Variants in NCAM2 observed in about 807,000 individuals in gnomAD.
The protein encoded by NCAM2 is neural cell adhesion molecule 2.
Under a neutral mutation model 98.1 loss-of-function variants are expected in NCAM2, and 30 were observed. That is an observed-to-expected ratio of 0.31 (90% CI 0.23 to 0.41). NCAM2 has a LOEUF of 0.41. Ranked by LOEUF, NCAM2 falls within the 10% of genes least tolerant of loss-of-function variation. The probability of loss-of-function intolerance (pLI) is 1.00; values close to 1 mark genes in which losing one functional copy is unlikely to be tolerated. For synonymous variants in NCAM2, 368 were observed against 342.4 expected (o/e 1.07, Z -0.83); for missense variants, 867 against 1,005.8 (o/e 0.86, Z 1.87).
intron 1 of NCAM2, among the ~76,000 whole-genome samples, chr21:21,071,921 A>ATC (rs1284990633): frequency 2.3e-3 from 293 of 127,316 alleles, no homozygotes; most frequent in African/African-American, 8.2e-3. Flanking sequence ...CTATCTATCT[A>ATC]TATTTTTTTG....
chr21:21,137,172 T>C (rs1006376553), intron 1 of NCAM2, among the ~76,000 whole-genome samples: 1 of 152,136 alleles, frequency 6.6e-6, no homozygotes, highest in Admixed American at 6.5e-5. Flanking sequence ...TTTGAACATA[T>C]TATAAAATGT....
At chr21:21,477,763 A>G (rs76782257) in intron 15 of NCAM2, among the ~76,000 whole-genome samples, 4,038 of 152,262 alleles carry the variant, frequency 0.027, 86 homozygotes, top group Non-Finnish European at 0.045. Context: ...AAAAGTGTCT[A>G]TTGAGGCCAT....
At chr21:21,106,329 A>G (rs2066348251) in intron 1 of NCAM2, among the ~76,000 whole-genome samples, 2 of 144,404 alleles carry the variant, frequency 1.4e-5, no homozygotes, top group East Asian at 2.0e-4. Context: ...AAAAAAAAAA[A>G]GGAACAGCCA....
intron 1 of NCAM2, among the ~76,000 whole-genome samples, chr21:21,096,421 G>A (rs1389779856): frequency 7.3e-5 from 11 of 151,588 alleles, no homozygotes. Flanking sequence ...ATTGTTCTGT[G>A]ACATTTAAAA....
Position 21,277,867 on chromosome 21 carries a change from C to T in NCAM2, c.56-2711C>T, listed in dbSNP as rs28517768. Among the ~76,000 whole-genome samples the T allele has an allele frequency of 0.015, 2,340 of 151,588 alleles. 69 individuals carry two copies. In the East Asian group the frequency reaches 0.16, roughly 10 times the overall value. Reference sequence around the variant, plus strand: ...TATATTGGATTAAAATTAATGAGTGCGTGTATTTAAAAATAAAAAAATGCA... The same window carrying T: ...TATATTGGATTAAAATTAATGAGTGTGTGTATTTAAAAATAAAAAAATGCA... On this transcript the variant is annotated intron_variant, in intron 1 of 17. Coordinates refer to ENST00000400546, the MANE Select transcript of NCAM2 (RefSeq NM_004540.5).
At chr21:21,218,837 T>C (rs1303895154) in intron 1 of NCAM2, among the ~76,000 whole-genome samples, 16 of 152,150 alleles carry the variant, frequency 1.1e-4, no homozygotes, top group Admixed American at 1.0e-3. Flanking sequence ...TGAGGTCAGG[T>C]GTTCAAGTCT....
intron 1 of NCAM2, chr21:21,210,744 A>C: frequency 1.4e-5 from 12 of 880,772 alleles, no homozygotes; most frequent in Admixed American, 4.1e-5. Flanking sequence ...TCAAAATGTC[A>C]TTGAAAGGCA....
intron 16 of NCAM2, among the ~76,000 whole-genome samples, chr21:21,516,617 G>A (rs941682059): frequency 1.3e-5 from 2 of 150,594 alleles, no homozygotes; most frequent in South Asian, 2.1e-4. Context: ...CTCTTTTTTC[G>A]AATCTGGCTC....
intron 1 of NCAM2, among the ~76,000 whole-genome samples, chr21:21,103,227 A>G (rs994375899): frequency 2.6e-5 from 1 of 38,592 alleles, no homozygotes; most frequent in African/African-American, 1.1e-4. Context: ...AATAAGAAAT[A>G]CTTTAATAGT....
chr21:21,405,666 A>G (rs192899561), intron 9 of NCAM2, among the ~76,000 whole-genome samples: 69 of 151,132 alleles, frequency 4.6e-4, no homozygotes, highest in African/African-American at 1.6e-3. Flanking sequence ...AAGTTCTATG[A>G]ATCAATTTAT....
At chr21:21,115,985 GTGTGTGTC>G (rs1443653963) in intron 1 of NCAM2, among the ~76,000 whole-genome samples, 82 of 136,742 alleles carry the variant, frequency 6.0e-4, no homozygotes, top group African/African-American at 2.0e-3. Flanking sequence ...GTGTGTGTGT[GTGTGTGTC>G]TGTCTGTCTT....
intron 8 of NCAM2, among the ~76,000 whole-genome samples, chr21:21,369,718 A>G (rs1215210246): frequency 7.9e-5 from 12 of 151,680 alleles, no homozygotes; most frequent in Admixed American, 7.3e-4. Context: ...GCATCTTCTC[A>G]TGATCTTATT....
intron 1 of NCAM2, among the ~76,000 whole-genome samples, chr21:21,057,096 A>C (rs971447794): frequency 1.3e-5 from 2 of 152,120 alleles, no homozygotes; most frequent in East Asian, 3.9e-4. Context: ...TAGTATTGAA[A>C]GATTGAAAGA....
chr21:21,235,262 AATGAGTTAC>A (rs1359735015), intron 1 of NCAM2, among the ~76,000 whole-genome samples: 2 of 152,126 alleles, frequency 1.3e-5, no homozygotes, highest in African/African-American at 4.8e-5. Flanking sequence ...AACTTAATGA[AATGAGTTAC>A]ATTTTATATT....
intron 1 of NCAM2, among the ~76,000 whole-genome samples, chr21:21,163,612 T>G (rs959825576): frequency 1.3e-5 from 2 of 152,116 alleles, no homozygotes; most frequent in African/African-American, 4.8e-5. Flanking sequence ...TTAAGAGTAG[T>G]TTTCTGTACA....
chr21:21,279,989 CA>C (rs998593951), intron 1 of NCAM2, among the ~76,000 whole-genome samples: 5 of 152,118 alleles, frequency 3.3e-5, no homozygotes, highest in Admixed American at 1.3e-4. Context: ...TCAAATTTCA[CA>C]AAAAAATTAT....
chr21:21,388,551 T>C (rs769067354), intron 9 of NCAM2, among the ~76,000 whole-genome samples: 1 of 152,124 alleles, frequency 6.6e-6, no homozygotes, highest in African/African-American at 2.4e-5. Context: ...CCAGATGTTA[T>C]AGAGATGTGC....
At chr21:21,342,550 C>A (rs952243714) in intron 8 of NCAM2, among the ~76,000 whole-genome samples, 3 of 152,096 alleles carry the variant, frequency 2.0e-5, no homozygotes, top group African/African-American at 7.2e-5. Flanking sequence ...TCTTTTGTGG[C>A]AGCAGGCTTT....
At chr21:21,042,315 G>C (rs1354201352) in intron 1 of NCAM2, among the ~76,000 whole-genome samples, 2 of 151,986 alleles carry the variant, frequency 1.3e-5, no homozygotes, top group African/African-American at 4.8e-5. Context: ...CTCCCGAGTA[G>C]CTGGTATTAC....
Sources: gnomAD v4.1 joint callset for allele counts (sites outside exome capture counted in the v4.1 genomes callset) on GRCh38, gnomAD v4.1.1 for gene constraint, MANE v1.5 for transcripts, NCBI Gene and HGNC (gene_info 2026-07-23, HGNC 2026-07-21) for gene names.